The following CLASP1 variants were observed in gnomAD, a reference collection of about 807,000 sequenced individuals.
CLASP1 encodes cytoplasmic linker associated protein 1.
CLASP1 carries 38 observed loss-of-function variants against 192.3 expected under a neutral mutation model. The observed-to-expected ratio is 0.20, with a 90% CI of 0.15 to 0.26. The LOEUF is 0.26. CLASP1 is among the 10% of genes least tolerant of loss of function. The probability of loss-of-function intolerance (pLI) is 1.00; values close to 1 mark genes in which losing one functional copy is unlikely to be tolerated. For synonymous variants in CLASP1, 691 were observed against 712.8 expected, an observed-to-expected ratio of 0.97 and a Z score of 0.49; for missense variants, 1,433 against 1,932.5, an observed-to-expected ratio of 0.74 and a Z score of 4.85.
At chr2:121,343,182 A>G (rs1347443086) in intron 39 of CLASP1, among the ~76,000 whole-genome samples, 2 of 152,234 alleles carry the variant, frequency 1.3e-5, no homozygotes, top group African/African-American at 4.8e-5. Flanking sequence ...CTCATAGAGG[A>G]CGGCTATTAG....
At chr2:121,501,821 C>G (rs1288153573) in intron 8 of CLASP1, among the ~76,000 whole-genome samples, 1 of 152,084 alleles carries the variant, frequency 6.6e-6, no homozygotes, top group Non-Finnish European at 1.5e-5. Context: ...TCAAGATATT[C>G]AAAATGTGAA....
At chr2:121,622,642 G>A (rs985874023) in intron 1 of CLASP1, among the ~76,000 whole-genome samples, 21 of 150,920 alleles carry the variant, frequency 1.4e-4, no homozygotes, top group African/African-American at 4.9e-4. Flanking sequence ...TCTTTTTGAC[G>A]CTACTGTGAA....
At chr2:121,598,717 T>C (rs2063423868) in intron 2 of CLASP1, among the ~76,000 whole-genome samples, 1 of 152,142 alleles carries the variant, frequency 6.6e-6, no homozygotes, top group Admixed American at 6.5e-5. Context: ...AAAGACTACA[T>C]GAGATAAGAC....
In CLASP1 at chr2:121,509,482, C is replaced by A. The variant is rs141625772; in HGVS notation, c.644+6183G>T. Among the ~76,000 whole-genome samples the A allele has an allele frequency of 2.6e-5, 4 of 152,288 alleles. No individual in the cohort carries two copies. In the East Asian group the frequency reaches 7.7e-4, roughly 29 times the overall value. On this transcript the variant is annotated intron_variant, in intron 7 of 39. Coordinates refer to ENST00000263710, the Ensembl canonical transcript of CLASP1. ...AGCCACTGGGCCTGCCTTACAGATT[C>A]TTTTCAAGTGTACATGGAACATTAT...
chr2:121,502,647 G>A (rs1321605727), intron 8 of CLASP1, among the ~76,000 whole-genome samples: 1 of 152,206 alleles, frequency 6.6e-6, no homozygotes, highest in Non-Finnish European at 1.5e-5. Context: ...AATGGCGGTG[G>A]GTGCCAGATC....
intron 1 of CLASP1, among the ~76,000 whole-genome samples, chr2:121,621,994 T>C (rs7574073): frequency 0.24 from 36,606 of 151,832 alleles, 6,762 homozygotes; most frequent in African/African-American, 0.52. Context: ...ATTACAGGCG[T>C]GCACCACCAC....
chr2:121,391,975 C>T (rs554579848), intron 30 of CLASP1, among the ~76,000 whole-genome samples: 2 of 152,286 alleles, frequency 1.3e-5, no homozygotes, highest in South Asian at 4.1e-4. Flanking sequence ...GATAGTAAAA[C>T]CCATAGCTTT....
chr2:121,340,871 G>A lies in CLASP1; in HGVS notation c.4607C>T (p.Thr1536Met), dbSNP rs371012413. The A allele has an allele frequency of 8.7e-6, 14 of 1,611,280 alleles. No homozygotes were observed. The African/African-American group carries it at 9.3e-5, about 11-fold the overall frequency. The stretch of plus-strand genomic sequence containing the variant: ...AGACAGGTACTGCCATTAGCTGTGC[G>A]TGGAGACATCGGAGGAGGAGCTGCT... The change falls in exon 40 of 40, where the codon ACG becomes ATG. Residue 1536 changes from threonine to methionine, a missense_variant. Thr to Met is a moderately conservative substitution (Grantham distance 81). This residue lies in a region of CLASP1 where 148 missense variants were observed against 247.5 expected (regional missense o/e 0.60). Coordinates refer to ENST00000263710, the Ensembl canonical transcript of CLASP1.
At chr2:121,376,532 G>C (rs368479027) in intron 34 of CLASP1, among the ~76,000 whole-genome samples, 2 of 151,754 alleles carry the variant, frequency 1.3e-5, no homozygotes, top group African/African-American at 4.8e-5. Flanking sequence ...GGGGTGGGGG[G>C]GGGGTCGGGG....
intron 2 of CLASP1, among the ~76,000 whole-genome samples, chr2:121,537,540 C>T (rs1213505784): frequency 6.6e-6 from 1 of 152,080 alleles, no homozygotes; most frequent in Admixed American, 6.6e-5. Flanking sequence ...GAAACCCAAA[C>T]CTAGATACAT....
Position 121,435,549 on chromosome 2 carries a change from C to G in CLASP1, c.1913-5372G>C, listed in dbSNP as rs186652449. Reference sequence around the variant, plus strand: ...TCAGCCTCCCAAAGTGTTGGGATTACAGGCGTGAGCCACCATGCCCGCCCT... The same window carrying G: ...TCAGCCTCCCAAAGTGTTGGGATTAGAGGCGTGAGCCACCATGCCCGCCCT... On this transcript the variant is annotated intron_variant, in intron 19 of 39. Coordinates refer to ENST00000263710, the Ensembl canonical transcript of CLASP1. 6.1e-3 allele frequency among the ~76,000 whole-genome samples: 935 copies of G among 152,312 alleles called. 12 individuals carry two copies. Among genetic ancestry groups the G allele is most frequent in the African/African-American group, 0.021 (884 of 41,580 alleles).
intron 2 of CLASP1, among the ~76,000 whole-genome samples, chr2:121,603,393 A>T (rs1170230219): frequency 6.6e-5 from 10 of 152,226 alleles, no homozygotes. Flanking sequence ...CACCCCTGTT[A>T]GGATGGCTAT....
At chr2:121,641,975 A>G (rs1161524039) in intron 1 of CLASP1, among the ~76,000 whole-genome samples, 2 of 151,042 alleles carry the variant, frequency 1.3e-5, no homozygotes, top group Non-Finnish European at 2.9e-5. Context: ...TAGGCAACAT[A>G]GTAAGACCCT....
At chr2:121,443,738 AG>A (rs1468730057) in intron 19 of CLASP1, among the ~76,000 whole-genome samples, 2 of 152,224 alleles carry the variant, frequency 1.3e-5, no homozygotes, top group African/African-American at 4.8e-5. Context: ...CAGCATCTTC[AG>A]GGTGAAGGAC....
intron 33 of CLASP1, among the ~76,000 whole-genome samples, chr2:121,380,032 A>C (rs915419690): frequency 6.6e-6 from 1 of 152,192 alleles, no homozygotes; most frequent in African/African-American, 2.4e-5. Context: ...CTTGGTATGA[A>C]GCTATAACTG....
At chr2:121,583,154 C>G (rs1407179531) in intron 2 of CLASP1, among the ~76,000 whole-genome samples, 1 of 152,174 alleles carries the variant, frequency 6.6e-6, no homozygotes, top group Non-Finnish European at 1.5e-5. Context: ...ACCGTTGTTG[C>G]TCTTCCAAGC....
At chr2:121,456,295 T>C (rs1245424820) in intron 14 of CLASP1, among the ~76,000 whole-genome samples, 4 of 146,736 alleles carry the variant, frequency 2.7e-5, no homozygotes, top group Non-Finnish European at 6.0e-5. Flanking sequence ...AGCCCAGGAG[T>C]CTGAGATCAT....
At chr2:121,364,551 CATG>C (rs2067017818) in intron 36 of CLASP1, 1 of 161,446 alleles carries the variant, frequency 6.2e-6, no homozygotes, top group Non-Finnish European at 1.4e-5. Flanking sequence ...AGTGTCCCAG[CATG>C]ATGAAGCTTT....
chr2:121,429,942 C>A (rs1181073165), intron 20 of CLASP1, 131 bp downstream of exon 20: 6 of 647,090 alleles, frequency 9.3e-6, no homozygotes, highest in Non-Finnish European at 1.6e-5. Context: ...TAAGATTACT[C>A]ACAGTATCTC....
Sources: allele counts gnomAD v4.1 joint callset (sites outside exome capture counted in the v4.1 genomes callset), GRCh38; gene constraint gnomAD v4.1.1; regional missense constraint gnomAD v4.1.1; transcripts MANE v1.5; gene names NCBI Gene and HGNC (gene_info 2026-07-23, HGNC 2026-07-21).